COL25A1: variants seen among roughly 807,000 people sequenced by gnomAD.
COL25A1 encodes the protein collagen alpha-1(XXV) chain.
Under a neutral mutation model 128.4 loss-of-function variants are expected in COL25A1, and 103 were observed. The ratio of observed to expected loss-of-function variants is 0.80; its 90% CI spans 0.68 to 0.94. COL25A1 has a LOEUF of 0.94. Among genes scored for constraint, COL25A1 ranks in the 40% least tolerant of loss-of-function variants. The pLI, the probability that COL25A1 is intolerant of heterozygous loss-of-function variation, is 0.00. For synonymous variants in COL25A1, 279 were observed against 277.2 expected (o/e 1.01, Z -0.06); for missense variants, 745 against 840.0 (o/e 0.89, Z 1.40).
intron 3 of COL25A1, among the ~76,000 whole-genome samples, chr4:109,101,650 G>C (rs1765902451): frequency 6.6e-6 from 1 of 152,000 alleles, no homozygotes; most frequent in South Asian, 2.1e-4. Flanking sequence ...AACAAGTCTA[G>C]GTGTCTCTTG....
chr4:109,136,710 G>A (rs1769806026), intron 3 of COL25A1, among the ~76,000 whole-genome samples: 1 of 152,204 alleles, frequency 6.6e-6, no homozygotes, highest in Non-Finnish European at 1.5e-5. Context: ...TGTAAGCCAT[G>A]TGTGGCGGGC....
chr4:108,867,217 A>C (rs1738046766), intron 20 of COL25A1, among the ~76,000 whole-genome samples: 2 of 152,322 alleles, frequency 1.3e-5, no homozygotes, highest in Admixed American at 6.5e-5. Flanking sequence ...ACAAAATGCC[A>C]CACACACTTT....
chr4:108,918,424 T>G (rs2125896315), intron 12 of COL25A1, among the ~76,000 whole-genome samples: 1 of 152,360 alleles, frequency 6.6e-6, no homozygotes, highest in South Asian at 2.1e-4. Context: ...ACCTTGCTTC[T>G]AAGTATCCAC....
At chr4:108,878,641 A>C (rs907540393) in intron 19 of COL25A1, among the ~76,000 whole-genome samples, 8 of 152,210 alleles carry the variant, frequency 5.3e-5, no homozygotes, top group African/African-American at 1.9e-4. Flanking sequence ...CGTAAGGATC[A>C]AATTTTAGTG....
intron 5 of COL25A1, among the ~76,000 whole-genome samples, chr4:109,035,221 C>T (rs1244566583): frequency 2.0e-5 from 3 of 152,086 alleles, no homozygotes; most frequent in African/African-American, 7.2e-5. Context: ...ACTTCCAGTC[C>T]CCAAGCAAGA....
intron 3 of COL25A1, among the ~76,000 whole-genome samples, chr4:109,061,984 T>C (rs1222504513): frequency 6.6e-6 from 1 of 152,246 alleles, no homozygotes; most frequent in Non-Finnish European, 1.5e-5. Flanking sequence ...TTTTCTATGT[T>C]GCATAGGAAC....
At chr4:109,236,049 T>C (rs1322272763) in intron 3 of COL25A1, among the ~76,000 whole-genome samples, 3 of 152,076 alleles carry the variant, frequency 2.0e-5, no homozygotes, top group Admixed American at 1.3e-4. Flanking sequence ...GCTTATACTT[T>C]GTTGTTATTT....
intron 3 of COL25A1, among the ~76,000 whole-genome samples, chr4:109,148,953 C>T (rs1407653794): frequency 6.6e-6 from 1 of 152,196 alleles, no homozygotes; most frequent in Non-Finnish European, 1.5e-5. Context: ...CAAATTTTCA[C>T]ACATCTTCCC....
At chr4:109,009,013 T>G (rs758328111) in intron 6 of COL25A1, among the ~76,000 whole-genome samples, 14 of 152,046 alleles carry the variant, frequency 9.2e-5, no homozygotes, top group Non-Finnish European at 1.5e-5. Context: ...TCCCAGCTAC[T>G]TGGGTGGCTG....
At chr4:109,187,222 CACACACAT>C (rs1775225118) in intron 3 of COL25A1, among the ~76,000 whole-genome samples, 3 of 129,394 alleles carry the variant, frequency 2.3e-5, no homozygotes, top group Admixed American at 1.6e-4. Context: ...CACACACACA[CACACACAT>C]AATTAACTTT....
chr4:108,860,460 CACAAAAATTAA>C (rs1329902483), intron 23 of COL25A1, among the ~76,000 whole-genome samples: 1 of 152,046 alleles, frequency 6.6e-6, no homozygotes, highest in Non-Finnish European at 1.5e-5. Context: ...GAATGAATGC[CACAAAAATTAA>C]ACAAAATAGG....
chr4:109,210,276 A>T, intron 3 of COL25A1, among the ~76,000 whole-genome samples: 1 of 151,506 alleles, frequency 6.6e-6, no homozygotes, highest in African/African-American at 2.5e-5. Flanking sequence ...AATAACTGTA[A>T]TGTTTTATAT....
rs541730698 is a variant in COL25A1, at chr4:108,853,381, C to T, written c.1321-456G>A. Among the ~76,000 whole-genome samples, 20 of 67,120 alleles carry T rather than the reference C, an allele frequency of 3.0e-4. No individual in the cohort carries two copies. In the East Asian group the frequency reaches 6.3e-3, roughly 21 times the overall value. 44.0% of individuals were successfully genotyped at this position (67,120 alleles called of 152,430 possible). ...CATTAAAACTAACTTTGTGTTTGTG[C>T]GTGTGTGTGTGTGCGTGTGTGTGTG... On this transcript the variant is annotated intron_variant, in intron 24 of 37. Coordinates refer to ENST00000399132, the MANE Select transcript of COL25A1 (RefSeq NM_198721.4).
At chr4:109,103,744 T>G (rs1366103565) in intron 3 of COL25A1, among the ~76,000 whole-genome samples, 1 of 152,280 alleles carries the variant, frequency 6.6e-6, no homozygotes, top group East Asian at 1.9e-4. Flanking sequence ...TCACAACCAC[T>G]AGCGTTCTGT....
At chr4:109,165,327 T>C (rs1487047238) in intron 3 of COL25A1, among the ~76,000 whole-genome samples, 1 of 152,118 alleles carries the variant, frequency 6.6e-6, no homozygotes, top group African/African-American at 2.4e-5. Context: ...ATCGGGGTCA[T>C]CTCTAATAAT....
chr4:108,980,985 T>C (rs1428680269), intron 6 of COL25A1, among the ~76,000 whole-genome samples: 2 of 152,240 alleles, frequency 1.3e-5, no homozygotes, highest in Non-Finnish European at 1.5e-5. Context: ...TCAATTCTAC[T>C]GCCTACTCCC....
intron 3 of COL25A1, among the ~76,000 whole-genome samples, chr4:109,290,758 G>A (rs138198851): frequency 4.9e-4 from 74 of 152,010 alleles, no homozygotes; most frequent in African/African-American, 1.7e-3. Flanking sequence ...GATAGCCAAT[G>A]AGAAAAAAAA....
chr4:108,868,694 G>A (rs1266527515), intron 20 of COL25A1, among the ~76,000 whole-genome samples: 1 of 138,904 alleles, frequency 7.2e-6, no homozygotes, highest in Non-Finnish European at 1.5e-5. Context: ...GGGAAGCGAA[G>A]GGAAGGAAGA....
At chr4:109,017,749 A>T (rs1262053627) in intron 5 of COL25A1, among the ~76,000 whole-genome samples, 3 of 152,226 alleles carry the variant, frequency 2.0e-5, no homozygotes, top group African/African-American at 7.2e-5. Flanking sequence ...AATTTTAAAT[A>T]AAAAACTTCC....
Sources: allele counts gnomAD v4.1 joint callset (sites outside exome capture counted in the v4.1 genomes callset), GRCh38; gene constraint gnomAD v4.1.1; transcripts MANE v1.5; gene names NCBI Gene and HGNC (gene_info 2026-07-23, HGNC 2026-07-21).